Variants in RAB7A observed in about 807,000 individuals in gnomAD.
RAB7A encodes ras-related protein Rab-7a.
In RAB7A, 2 loss-of-function variants were observed where a neutral mutation model predicts 24.5. The ratio of observed to expected loss-of-function variants is 0.08; its 90% confidence interval spans 0.03 to 0.26. The LOEUF is 0.26. Ranked by LOEUF, RAB7A falls within the 10% of genes least tolerant of loss-of-function variation. The pLI is 1.00. For synonymous variants in RAB7A, 100 were observed against 95.9 expected (o/e 1.04, Z -0.25); for missense variants, 118 against 255.7 (o/e 0.46, Z 3.67).
Position 128,772,388 on chromosome 3 carries a change from G to A in RAB7A, c.-8-22972G>A, listed in dbSNP as rs1385765766. Among the ~76,000 whole-genome samples the A allele has an allele frequency of 4.6e-5, 7 of 152,246 alleles. No homozygotes were observed. In the South Asian group the frequency reaches 1.5e-3, roughly 32 times the overall value. ...CTTTTTTAAAATTTGTTTACAGAAT[G>A]TGAGAGTTTATAATACTATTGTCTC... On this transcript the variant is annotated intron_variant, in intron 1 of 5. Transcript: ENST00000265062.
intron 1 of RAB7A, among the ~76,000 whole-genome samples, chr3:128,761,589 A>G (rs1026014075): frequency 5.9e-5 from 9 of 152,198 alleles, no homozygotes; most frequent in African/African-American, 1.9e-4. Flanking sequence ...TTATGTACCA[A>G]GGTCTGTGTC....
chr3:128,773,793 G>T (rs1386005168), intron 1 of RAB7A, among the ~76,000 whole-genome samples: 1 of 152,148 alleles, frequency 6.6e-6, no homozygotes, highest in Non-Finnish European at 1.5e-5. Context: ...CCAACCATGT[G>T]CTCTCTGAAA....
chr3:128,730,765 A>T (rs1387831223), intron 1 of RAB7A, among the ~76,000 whole-genome samples: 1 of 152,230 alleles, frequency 6.6e-6, no homozygotes, highest in African/African-American at 2.4e-5. Context: ...GACCTACAGC[A>T]TTGGCCTTGT....
chr3:128,776,371 G>A (rs1459176469), intron 1 of RAB7A, among the ~76,000 whole-genome samples: 1 of 152,040 alleles, frequency 6.6e-6, no homozygotes, highest in East Asian at 1.9e-4. Flanking sequence ...CCAGGCTCAA[G>A]TGATCCTGAT....
intron 1 of RAB7A, among the ~76,000 whole-genome samples, chr3:128,766,618 C>T (rs1379638948): frequency 1.3e-5 from 2 of 151,978 alleles, no homozygotes; most frequent in African/African-American, 4.8e-5. Flanking sequence ...AATGGTCATA[C>T]ATTTTGGTTG....
intron 1 of RAB7A, among the ~76,000 whole-genome samples, chr3:128,741,396 T>C (rs183567358): frequency 6.6e-6 from 1 of 152,198 alleles, no homozygotes; most frequent in Non-Finnish European, 1.5e-5. Context: ...CTAGTAATTC[T>C]AGCACTTAGC....
At chr3:128,764,655 T>C in intron 1 of RAB7A, 1 of 931,750 alleles carries the variant, frequency 1.1e-6, no homozygotes, top group East Asian at 2.4e-5. Flanking sequence ...TGTCAGTGGC[T>C]AGTTTGTGCA....
chr3:128,760,300 C>G (rs113226798), intron 1 of RAB7A, among the ~76,000 whole-genome samples: 1 of 152,134 alleles, frequency 6.6e-6, no homozygotes, highest in South Asian at 2.1e-4. Context: ...TCAGCTCTCC[C>G]GATTCTCAGA....
At chr3:128,743,795 T>C (rs1370920890) in intron 1 of RAB7A, among the ~76,000 whole-genome samples, 47 of 150,642 alleles carry the variant, frequency 3.1e-4, no homozygotes, top group Admixed American at 1.5e-3. Flanking sequence ...TCTCTCTCTT[T>C]TTTTTTTTTT....
At chr3:128,801,945 G>A (rs1933707784) in intron 3 of RAB7A, among the ~76,000 whole-genome samples, 2 of 152,160 alleles carry the variant, frequency 1.3e-5, no homozygotes, top group African/African-American at 4.8e-5. Flanking sequence ...GTGACTCTTG[G>A]CAGTAGCAGC....
intron 1 of RAB7A, among the ~76,000 whole-genome samples, chr3:128,748,281 G>T (rs1345099450): frequency 6.6e-6 from 1 of 152,154 alleles, no homozygotes; most frequent in Non-Finnish European, 1.5e-5. Flanking sequence ...GTTAATATTG[G>T]TCTCATTTTC....
rs12631485 is a variant in RAB7A at position 128,728,765 on chromosome 3, C to G, written c.-9+2406C>G. On this transcript the variant is annotated intron_variant, in intron 1 of 5. Transcript: ENST00000265062. ...GGCATGAGCCACTGCGCCCGGCCGA[C>G]TCTGGTAGCATTTTTTTGTTCACTC... is the stretch of plus-strand genomic sequence containing the variant. Among the ~76,000 whole-genome samples, 31 of 152,276 alleles carry G rather than the reference C, an allele frequency of 2.0e-4. No individual in the cohort carries two copies. The East Asian group carries it at 5.6e-3, about 27-fold the overall frequency.
intron 1 of RAB7A, among the ~76,000 whole-genome samples, chr3:128,779,338 A>G (rs7634530): frequency 0.27 from 40,912 of 151,394 alleles, 6,986 homozygotes; most frequent in African/African-American, 0.48. Flanking sequence ...AGCCCAGGAG[A>G]CAAAGGTTGC....
chr3:128,772,789 G>A (rs556707641), intron 1 of RAB7A, among the ~76,000 whole-genome samples: 9 of 152,334 alleles, frequency 5.9e-5, no homozygotes, highest in East Asian at 3.9e-4. Flanking sequence ...ACGGGGTTTC[G>A]CTGTGTTGGC....
intron 1 of RAB7A, among the ~76,000 whole-genome samples, chr3:128,792,867 T>A (rs1933488525): frequency 6.7e-6 from 1 of 150,094 alleles, no homozygotes; most frequent in Admixed American, 6.7e-5. Context: ...ATTTATTCAT[T>A]TGAGACAGTG....
At chr3:128,742,830 G>A (rs1311041386) in intron 1 of RAB7A, among the ~76,000 whole-genome samples, 1 of 152,246 alleles carries the variant, frequency 6.6e-6, no homozygotes, top group Non-Finnish European at 1.5e-5. Context: ...AGTTCTTCAA[G>A]TCCCCACTCG....
intron 1 of RAB7A, among the ~76,000 whole-genome samples, chr3:128,783,651 A>G (rs1013660435): frequency 5.9e-5 from 9 of 152,184 alleles, no homozygotes; most frequent in East Asian, 5.8e-4. Context: ...CTGAATCCCA[A>G]CTGTCTCATT....
intron 1 of RAB7A, among the ~76,000 whole-genome samples, chr3:128,733,395 CAGT>C (rs1397928567): frequency 6.6e-6 from 1 of 152,080 alleles, no homozygotes; most frequent in Non-Finnish European, 1.5e-5. Context: ...TTCCATTGCT[CAGT>C]AGTATTATGT....
intron 1 of RAB7A, among the ~76,000 whole-genome samples, chr3:128,739,233 G>A (rs954259332): frequency 2.6e-5 from 4 of 152,134 alleles, no homozygotes; most frequent in Admixed American, 6.6e-5. Context: ...AAGCGGGCCG[G>A]GAGTGGTGGC....
Sources: allele counts gnomAD v4.1 joint callset (sites outside exome capture counted in the v4.1 genomes callset), GRCh38; gene constraint gnomAD v4.1.1; transcripts MANE v1.5; gene names NCBI Gene and HGNC (gene_info 2026-07-23, HGNC 2026-07-21).